Variants in LSAMP observed in about 807,000 individuals in gnomAD.
LSAMP encodes limbic system associated membrane protein, also known as limbic system-associated membrane protein.
In LSAMP, 7 loss-of-function variants were observed where a neutral mutation model predicts 38.6. That is an observed-to-expected ratio of 0.18 (90% CI 0.10 to 0.34). The LOEUF is 0.34. LSAMP is among the 10% of genes least tolerant of loss of function. The pLI, the probability that LSAMP is intolerant of heterozygous loss-of-function variation, is 1.00. For synonymous variants in LSAMP, 154 were observed against 166.8 expected, an observed-to-expected ratio of 0.92 and a Z score of 0.59; for missense variants, 313 against 420.0, an observed-to-expected ratio of 0.75 and a Z score of 2.23.
Position 116,178,636 on chromosome 3 carries a change from C to T in LSAMP, c.156-92080G>A, listed in dbSNP as rs145822943. Among the ~76,000 whole-genome samples, 29 of 152,238 alleles carry T rather than the reference C, an allele frequency of 1.9e-4. No individual in the cohort carries two copies. In the East Asian group the frequency reaches 4.8e-3, roughly 25 times the overall value. Reference sequence around the variant, plus strand: ...AGGATGGTTTAAGATATGTAGGTAACAGATAATCTGCACCTCTTTAAAAAA... The same window carrying T: ...AGGATGGTTTAAGATATGTAGGTAATAGATAATCTGCACCTCTTTAAAAAA... On this transcript the variant is annotated intron_variant, in intron 1 of 6. Transcript: ENST00000490035.
chr3:116,214,724 A>G lies in LSAMP; in HGVS notation c.156-128168T>C, dbSNP rs145360924. On this transcript the variant is annotated intron_variant, in intron 1 of 6. Transcript: ENST00000490035. ...CACCATGTTGGCCAGGCTCGTCTCA[A>G]ATTCCTGACCTCAAGTGATCTGCCT... Among the ~76,000 whole-genome samples, 439 of 152,024 alleles carry G rather than the reference A, an allele frequency of 2.9e-3. 2 individuals carry two copies. The highest frequency in any genetic ancestry group is 0.013 in the South Asian group (61 of 4,800).
chr3:116,042,008 A>G (rs1226385792), intron 2 of LSAMP, among the ~76,000 whole-genome samples: 1 of 152,174 alleles, frequency 6.6e-6, no homozygotes, highest in African/African-American at 2.4e-5. Context: ...ACACTGCTAT[A>G]ATAGAACCAA....
intron 3 of LSAMP, among the ~76,000 whole-genome samples, chr3:115,925,865 A>G (rs1937486604): frequency 2.0e-5 from 3 of 152,200 alleles, no homozygotes; most frequent in Admixed American, 6.5e-5. Context: ...GACTGAATAA[A>G]TGGAATGGGT....
chr3:115,882,074 A>G (rs1936337775), intron 3 of LSAMP, among the ~76,000 whole-genome samples: 1 of 152,124 alleles, frequency 6.6e-6, no homozygotes, highest in Non-Finnish European at 1.5e-5. Context: ...CTGCAGTGCT[A>G]TTTACAATAT....
chr3:116,136,736 C>T (rs771429507), intron 1 of LSAMP, among the ~76,000 whole-genome samples: 39 of 152,080 alleles, frequency 2.6e-4, no homozygotes, highest in African/African-American at 1.9e-4. Flanking sequence ...TCTGTGCCTA[C>T]GTATGTGTCT....
intron 1 of LSAMP, among the ~76,000 whole-genome samples, chr3:116,098,221 G>A (rs371043048): frequency 3.9e-5 from 6 of 151,980 alleles, no homozygotes; most frequent in South Asian, 2.1e-4. Context: ...CAAGGAGCCC[G>A]GGCGCAGTGG....
Position 115,892,475 on chromosome 3 carries a change from C to G in LSAMP, c.515-39858G>C, listed in dbSNP as rs146276518. The stretch of plus-strand genomic sequence containing the variant: ...CAAACACTAAGTTGAGTGAGAGAAG[C>G]CAGACACAAAAAGAAGTATTATAGG... On this transcript the variant is annotated intron_variant, in intron 3 of 6. Coordinates refer to ENST00000490035, the MANE Select transcript of LSAMP (RefSeq NM_002338.5). Among the ~76,000 whole-genome samples the G allele has an allele frequency of 7.2e-5, 11 of 151,974 alleles. No homozygotes were observed. In the East Asian group the frequency reaches 2.1e-3, roughly 29 times the overall value.
chr3:115,905,905 C>G lies in LSAMP; in HGVS notation c.515-53288G>C, dbSNP rs575960756. Among the ~76,000 whole-genome samples the G allele has an allele frequency of 1.4e-3, 214 of 152,142 alleles. 2 individuals are homozygous for G. Among genetic ancestry groups the G allele is most frequent in the Middle Eastern group, 0.014 (4 of 294 alleles). On this transcript the variant is annotated intron_variant, in intron 3 of 6. Coordinates refer to ENST00000490035, the MANE Select transcript of LSAMP (RefSeq NM_002338.5). ...GATAGTGGGGAATTACTGGGTATTC[C>G]TATTTTTGGAGACTGCTGAAGAAGT...
intron 2 of LSAMP, among the ~76,000 whole-genome samples, chr3:116,075,479 C>T (rs1707719607): frequency 6.6e-6 from 1 of 150,874 alleles, no homozygotes; most frequent in African/African-American, 2.4e-5. Flanking sequence ...CTGTTGTAAT[C>T]TATTCATATG....
Position 116,071,658 on chromosome 3 carries a change from C to T in LSAMP, c.388+14666G>A, listed in dbSNP as rs116076196. On this transcript the variant is annotated intron_variant, in intron 2 of 6. Coordinates refer to ENST00000490035, the MANE Select transcript of LSAMP (RefSeq NM_002338.5). The stretch of plus-strand genomic sequence containing the variant: ...TGTGCAGTTTTGTTACATAGGTAAA[C>T]GAGTGCCATGGTGATTTGCTGCACA... Among the ~76,000 whole-genome samples the T allele has an allele frequency of 7.5e-3, 1,148 of 152,164 alleles. 16 individuals carry two copies. The highest frequency in any genetic ancestry group is 0.026 in the African/African-American group (1,059 of 41,500).
chr3:115,939,229 T>G (rs1937812357), intron 3 of LSAMP, among the ~76,000 whole-genome samples: 1 of 152,132 alleles, frequency 6.6e-6, no homozygotes, highest in African/African-American at 2.4e-5. Flanking sequence ...AGCTCCAGTC[T>G]TAGTTTCCCC....
intron 1 of LSAMP, among the ~76,000 whole-genome samples, chr3:116,317,344 A>G (rs548847575): frequency 3.3e-5 from 5 of 150,206 alleles, no homozygotes; most frequent in African/African-American, 9.8e-5. Flanking sequence ...AGAGAGCCCA[A>G]TCTCTTTCTT....
chr3:116,236,479 G>C lies in LSAMP; in HGVS notation c.156-149923C>G, dbSNP rs564897653. 1.8e-4 allele frequency among the ~76,000 whole-genome samples: 28 copies of C among 152,146 alleles called. No homozygotes were observed. The South Asian group carries it at 5.0e-3, about 27-fold the overall frequency. Reference sequence around the variant, plus strand: ...CTCAATGCTCCATACCCCTTCATCTGACCTTCATCTTGATTTTCACTCACT... The same window carrying C: ...CTCAATGCTCCATACCCCTTCATCTCACCTTCATCTTGATTTTCACTCACT... On this transcript the variant is annotated intron_variant, in intron 1 of 6. Coordinates refer to ENST00000490035, the MANE Select transcript of LSAMP (RefSeq NM_002338.5).
chr3:116,183,631 T>C (rs1010763867), intron 1 of LSAMP, among the ~76,000 whole-genome samples: 3 of 151,812 alleles, frequency 2.0e-5, no homozygotes, highest in African/African-American at 7.2e-5. Context: ...TAAGATAGAG[T>C]TTCTGGCATA....
At chr3:116,348,254 C>A (rs566502952) in intron 1 of LSAMP, among the ~76,000 whole-genome samples, 1 of 152,072 alleles carries the variant, frequency 6.6e-6, no homozygotes, top group South Asian at 2.1e-4. Flanking sequence ...ATACTCTCTT[C>A]ATGCCTCGGT....
intron 1 of LSAMP, among the ~76,000 whole-genome samples, chr3:116,438,906 AT>A: frequency 6.6e-6 from 1 of 152,260 alleles, no homozygotes; most frequent in East Asian, 1.9e-4. Flanking sequence ...TCCCGTTTGA[AT>A]TTGTTCATCT....
chr3:116,395,209 T>C (rs921247900), intron 1 of LSAMP, among the ~76,000 whole-genome samples: 3 of 152,200 alleles, frequency 2.0e-5, no homozygotes, highest in African/African-American at 7.2e-5. Flanking sequence ...TCTCCTGTTT[T>C]AATAATTAAA....
At chr3:116,100,935 G>T (rs183595233) in intron 1 of LSAMP, among the ~76,000 whole-genome samples, 8 of 152,260 alleles carry the variant, frequency 5.3e-5, no homozygotes, top group Admixed American at 5.2e-4. Flanking sequence ...TCTCAGATGT[G>T]CCCTTCTCTG....
At chr3:116,291,307 G>C (rs2047264258) in intron 1 of LSAMP, among the ~76,000 whole-genome samples, 1 of 152,116 alleles carries the variant, frequency 6.6e-6, no homozygotes, top group Admixed American at 6.5e-5. Context: ...CTGCCATATG[G>C]TTTGGCCATA....
Sources: gnomAD v4.1 joint callset for allele counts (sites outside exome capture counted in the v4.1 genomes callset) on GRCh38, gnomAD v4.1.1 for gene constraint, MANE v1.5 for transcripts, NCBI Gene and HGNC (gene_info 2026-07-23, HGNC 2026-07-21) for gene names.